Variants in ARID4A observed in about 807,000 individuals in gnomAD.
ARID4A encodes the protein AT-rich interactive domain-containing protein 4A.
In ARID4A, 39 loss-of-function variants were observed where a neutral mutation model predicts 148.6. That is an observed-to-expected ratio of 0.26 (90% CI 0.20 to 0.34). The LOEUF (loss-of-function observed/expected upper bound fraction) is 0.34. Ranked by LOEUF, ARID4A falls within the 10% of genes least tolerant of loss-of-function variation. ARID4A has a pLI of 1.00. For synonymous variants in ARID4A, 475 were observed against 481.2 expected, an observed-to-expected ratio of 0.99 and a Z score of 0.17; for missense variants, 1,265 against 1,449.1, an observed-to-expected ratio of 0.87 and a Z score of 2.06.
intron 1 of ARID4A, 117 bp downstream of exon 1, chr14:58,298,817 T>G (rs11623205): frequency 6.6e-6 from 1 of 152,140 alleles, no homozygotes. Context: ...AGAGGGATGC[T>G]AGGCAAGTGG....
intron 11 of ARID4A, among the ~76,000 whole-genome samples, chr14:58,335,707 C>G (rs536274441): frequency 9.2e-5 from 14 of 152,232 alleles, no homozygotes; most frequent in African/African-American, 3.1e-4. Context: ...CCCTGGCTGT[C>G]CTTAATTCAT....
intron 5 of ARID4A, among the ~76,000 whole-genome samples, chr14:58,306,469 A>G (rs1211483931): frequency 6.6e-6 from 1 of 152,228 alleles, no homozygotes; most frequent in African/African-American, 2.4e-5. Context: ...TACAAGGGTA[A>G]TGTAGATGTT....
chr14:58,347,574 T>G, intron 14 of ARID4A, 73 bp from the exon 15 acceptor site: 2 of 1,197,390 alleles, frequency 1.7e-6, no homozygotes, highest in Non-Finnish European at 2.3e-6. Flanking sequence ...TTTTTAAAAA[T>G]GTGTTTAATA....
intron 7 of ARID4A, 106 bp from the exon 8 acceptor site, chr14:58,323,379 T>C (rs2033020628): frequency 1.6e-6 from 2 of 1,277,862 alleles, no homozygotes; most frequent in Non-Finnish European, 2.2e-6. Flanking sequence ...GCTACTACTT[T>C]AGGGTGTAGT....
chr14:58,352,498 A>G (rs2034683012), intron 16 of ARID4A, among the ~76,000 whole-genome samples: 1 of 152,216 alleles, frequency 6.6e-6, no homozygotes, highest in Non-Finnish European at 1.5e-5. Context: ...GTGATTTAAA[A>G]AGACTGTAAC....
chr14:58,355,218 G>A (rs755998607), intron 17 of ARID4A, among the ~76,000 whole-genome samples: 3 of 152,158 alleles, frequency 2.0e-5, no homozygotes, highest in Non-Finnish European at 2.9e-5. Flanking sequence ...TACACTAGAT[G>A]TGTGCTCTGT....
chr14:58,329,864 A>C, intron 10 of ARID4A, 139 bp from the exon 11 acceptor site: 1 of 1,357,046 alleles, frequency 7.4e-7, no homozygotes, highest in Non-Finnish European at 1.0e-6. Context: ...AACTTATGAA[A>C]TATGTTAAAG....
intron 11 of ARID4A, among the ~76,000 whole-genome samples, chr14:58,337,505 T>C (rs2033893128): frequency 6.6e-6 from 1 of 151,884 alleles, no homozygotes; most frequent in South Asian, 2.1e-4. Context: ...AATTACTCTT[T>C]GAAACAAGGT....
intron 8 of ARID4A, among the ~76,000 whole-genome samples, chr14:58,324,535 C>T (rs1488280705): frequency 1.3e-5 from 2 of 152,180 alleles, no homozygotes; most frequent in African/African-American, 4.8e-5. Flanking sequence ...CTCACTTTGG[C>T]CTCCCAAGGG....
chr14:58,372,040 C>T lies in ARID4A; in HGVS notation c.*51C>T. The T allele has an allele frequency of 2.3e-6, 3 of 1,301,744 alleles. No individual in the cohort carries two copies. The highest frequency in any genetic ancestry group is 1.4e-5 in the African/African-American group (1 of 69,700). The allele number at this position is 1,301,744 out of a possible 1,614,324, so 80.6% of individuals were successfully genotyped here. A position where few individuals can be genotyped will look rare whatever the true frequency, so the allele number is the denominator to read the frequency against. ...AGTTTGCTGCCATGGACATAAATCC[C>T]CAAACCCTGAATTACAACCACAGAA... On this transcript the variant is annotated 3_prime_UTR_variant, in exon 24 of 24. Transcript: ENST00000355431.
intron 9 of ARID4A, among the ~76,000 whole-genome samples, chr14:58,328,621 G>A (rs572591479): frequency 6.6e-6 from 1 of 151,982 alleles, no homozygotes; most frequent in South Asian, 2.1e-4. Context: ...AGTAGTATGT[G>A]ACATTTATTA....
chr14:58,365,901 A>G, intron 21 of ARID4A, 123 bp from the exon 22 acceptor site: 1 of 908,448 alleles, frequency 1.1e-6, no homozygotes, highest in Non-Finnish European at 1.6e-6. Flanking sequence ...TATTGTTATA[A>G]ACTTTGTGCA....
chr14:58,326,375 T>TG (rs1594900882), intron 8 of ARID4A, among the ~76,000 whole-genome samples: 1 of 152,138 alleles, frequency 6.6e-6, no homozygotes, highest in African/African-American at 2.4e-5. Flanking sequence ...AGGCGGAACT[T>TG]GCGGTGAGCT....
chr14:58,298,853 A>G (rs1386024096), intron 1 of ARID4A, among the ~76,000 whole-genome samples, 153 bp downstream of exon 1: 1 of 152,176 alleles, frequency 6.6e-6, no homozygotes, highest in Admixed American at 6.5e-5. Flanking sequence ...GGAAGGGGCC[A>G]GCCATTGACC....
chr14:58,338,684 T>G (rs923678781), intron 11 of ARID4A, among the ~76,000 whole-genome samples: 1 of 152,092 alleles, frequency 6.6e-6, no homozygotes, highest in African/African-American at 2.4e-5. Flanking sequence ...AGAGGGACTA[T>G]AGACAGCATC....
intron 11 of ARID4A, among the ~76,000 whole-genome samples, chr14:58,338,937 G>A (rs2033968389): frequency 8.5e-6 from 1 of 118,074 alleles, no homozygotes; most frequent in African/African-American, 3.4e-5. Flanking sequence ...ACACACAAAA[G>A]GTAGGGGTGT....
At chr14:58,360,872 T>G in intron 18 of ARID4A, 29 bp from the exon 19 acceptor site, 1 of 1,609,306 alleles carries the variant, frequency 6.2e-7, no homozygotes. Context: ...GCATTGGCCC[T>G]TCTCATACAT....
At chr14:58,371,046 T>C (rs1163894861) in intron 23 of ARID4A, among the ~76,000 whole-genome samples, 1 of 152,098 alleles carries the variant, frequency 6.6e-6, no homozygotes, top group Non-Finnish European at 1.5e-5. Context: ...TTCCAGCACT[T>C]TGGGAGGCTG....
chr14:58,359,908 T>C (rs376286044), intron 18 of ARID4A, among the ~76,000 whole-genome samples: 1 of 151,726 alleles, frequency 6.6e-6, no homozygotes, highest in African/African-American at 2.4e-5. Context: ...CTACTAAATA[T>C]AGAAAAAATT....
Sources: allele counts gnomAD v4.1 joint callset (sites outside exome capture counted in the v4.1 genomes callset), GRCh38; gene constraint gnomAD v4.1.1; transcripts MANE v1.5; gene names NCBI Gene and HGNC (gene_info 2026-07-23, HGNC 2026-07-21).